RAD51B: variants seen among roughly 807,000 people sequenced by gnomAD.
RAD51B encodes RAD51 paralog B.
Under a neutral mutation model 42.2 loss-of-function variants are expected in RAD51B, and 38 were observed. The observed-to-expected ratio is 0.90, with a 90% CI of 0.70 to 1.18. The LOEUF (loss-of-function observed/expected upper bound fraction) is 1.18. RAD51B is among the 50% of genes most tolerant of loss of function. The pLI is 0.00. For synonymous variants in RAD51B, 154 were observed against 145.2 expected (o/e 1.06, Z -0.43); for missense variants, 373 against 400.7 (o/e 0.93, Z 0.59).
chr14:67,972,646 A>G (rs1232992353), intron 7 of RAD51B, among the ~76,000 whole-genome samples: 1 of 152,138 alleles, frequency 6.6e-6, no homozygotes. Flanking sequence ...TTGATTGGTT[A>G]TCAAGTTGAT....
At chr14:68,622,192 C>T (rs17756585) in intron 10 of RAD51B, among the ~76,000 whole-genome samples, 18,991 of 152,206 alleles carry the variant, frequency 0.12, 1,350 homozygotes, top group East Asian at 0.2. Context: ...CTGGCTGTCT[C>T]AGGAGCAGAA....
At chr14:68,457,815 A>G (rs2085739349) in intron 9 of RAD51B, among the ~76,000 whole-genome samples, 1 of 133,546 alleles carries the variant, frequency 7.5e-6, no homozygotes, top group Admixed American at 7.9e-5. Context: ...GGGTTTCACT[A>G]TGTTACCCAG....
intron 7 of RAD51B, chr14:67,908,931 C>T (rs2043872973): frequency 6.6e-6 from 1 of 152,062 alleles, no homozygotes; most frequent in Non-Finnish European, 1.5e-5. Flanking sequence ...ATTAATAATT[C>T]TAAGAATTCT....
At chr14:68,205,665 A>G (rs1214211755) in intron 7 of RAD51B, among the ~76,000 whole-genome samples, 1 of 151,746 alleles carries the variant, frequency 6.6e-6, no homozygotes, top group Non-Finnish European at 1.5e-5. Flanking sequence ...AAGAATGAAA[A>G]CAGTCCACAT....
At chr14:68,376,212 G>A (rs756896830) in intron 8 of RAD51B, among the ~76,000 whole-genome samples, 5 of 152,106 alleles carry the variant, frequency 3.3e-5, no homozygotes, top group African/African-American at 1.2e-4. Flanking sequence ...TTGGAGACAT[G>A]CAGAGCCACT....
At chr14:68,269,128 G>A (rs989735493) in intron 7 of RAD51B, among the ~76,000 whole-genome samples, 3 of 152,168 alleles carry the variant, frequency 2.0e-5, no homozygotes, top group African/African-American at 7.2e-5. Context: ...CCAGCCAAGA[G>A]GAATTGAGCA....
At chr14:67,904,082 A>G (rs1181307948) in intron 7 of RAD51B, among the ~76,000 whole-genome samples, 1 of 151,984 alleles carries the variant, frequency 6.6e-6, no homozygotes, top group Non-Finnish European at 1.5e-5. Context: ...AAAGGACATG[A>G]TTTATTCTTT....
chr14:68,396,095 A>G (rs552448466), intron 8 of RAD51B, among the ~76,000 whole-genome samples: 3 of 152,196 alleles, frequency 2.0e-5, no homozygotes, highest in Non-Finnish European at 4.4e-5. Flanking sequence ...GGACACGGGC[A>G]CCGGCAGAGT....
exon 11 of RAD51B, chr14:68,595,794 A>C (rs907392427): frequency 2.6e-6 from 1 of 380,158 alleles, no homozygotes; most frequent in Admixed American, 5.6e-5. Context: ...ATTAAAGAGA[A>C]AAAACAGATT....
chr14:68,067,477 C>CAAAA (rs79038337), intron 7 of RAD51B, among the ~76,000 whole-genome samples: 144 of 101,820 alleles, frequency 1.4e-3, no homozygotes, highest in African/African-American at 4.8e-3. Context: ...AAAAAAAAAA[C>CAAAA]AAAAAAAAAA....
intron 8 of RAD51B, among the ~76,000 whole-genome samples, chr14:68,301,912 G>T (rs1455105073): frequency 6.6e-6 from 1 of 152,160 alleles, no homozygotes; most frequent in Non-Finnish European, 1.5e-5. Context: ...GTAAGTTCTT[G>T]TGGGCAGGAA....
At chr14:68,259,897 C>T (rs754238298) in intron 7 of RAD51B, among the ~76,000 whole-genome samples, 20 of 152,188 alleles carry the variant, frequency 1.3e-4, no homozygotes, top group South Asian at 4.2e-4. Flanking sequence ...GCATCTACTC[C>T]GGGCCAGGCA....
intron 7 of RAD51B, among the ~76,000 whole-genome samples, chr14:68,284,526 T>A (rs1337937348): frequency 7.9e-5 from 12 of 152,240 alleles, no homozygotes; most frequent in Admixed American, 6.5e-4. Context: ...AAAGTCTGCC[T>A]GACTCCCACA....
At chr14:67,961,352 G>A (rs972732481) in intron 7 of RAD51B, among the ~76,000 whole-genome samples, 11 of 152,128 alleles carry the variant, frequency 7.2e-5, no homozygotes, top group Non-Finnish European at 1.3e-4. Flanking sequence ...ATTTTCTGAG[G>A]GCTATACTTG....
intron 7 of RAD51B, among the ~76,000 whole-genome samples, chr14:68,129,027 T>G (rs1471589652): frequency 6.6e-6 from 1 of 152,198 alleles, no homozygotes; most frequent in Non-Finnish European, 1.5e-5. Context: ...TGGTCTTGCT[T>G]CTGGAAGAAT....
chr14:68,595,654 T>C (rs967333784), exon 11 of RAD51B: 2 of 1,014,626 alleles, frequency 2.0e-6, no homozygotes, highest in Non-Finnish European at 2.4e-6. Context: ...AGCAAAAAAA[T>C]AGACACAACT....
In RAD51B at chr14:68,474,034, G is replaced by C. The variant is rs550360028; in HGVS notation, c.1037-3614G>C. 2.6e-5 allele frequency among the ~76,000 whole-genome samples: 4 copies of C among 152,304 alleles called. No individual in the cohort carries two copies. The South Asian group carries it at 8.3e-4, about 32-fold the overall frequency. Reference sequence around the variant, plus strand: ...AGGTCACATGATACACAGGCCACGTGATACACAGGTCACATTCTTTCACCT... The same window carrying C: ...AGGTCACATGATACACAGGCCACGTCATACACAGGTCACATTCTTTCACCT... On this transcript the variant is annotated intron_variant, in intron 10 of 10. Coordinates refer to ENST00000471583, the MANE Select transcript of RAD51B (RefSeq NM_133510.4).
At chr14:68,127,863 A>G (rs149876745) in intron 7 of RAD51B, among the ~76,000 whole-genome samples, 204 of 152,290 alleles carry the variant, frequency 1.3e-3, no homozygotes, top group African/African-American at 4.3e-3. Context: ...TTTTCATTGT[A>G]TCTCATGATG....
At chr14:68,120,163 G>A (rs2077622661) in intron 7 of RAD51B, among the ~76,000 whole-genome samples, 1 of 151,864 alleles carries the variant, frequency 6.6e-6, no homozygotes, top group Non-Finnish European at 1.5e-5. Flanking sequence ...TTTTGATGGG[G>A]TTGTTTGTTT....
Sources: gnomAD v4.1 joint callset for allele counts (sites outside exome capture counted in the v4.1 genomes callset) on GRCh38, gnomAD v4.1.1 for gene constraint, MANE v1.5 for transcripts, NCBI Gene and HGNC (gene_info 2026-07-23, HGNC 2026-07-21) for gene names.